The following RBFOX1 variants were observed in gnomAD, a reference collection of about 807,000 sequenced individuals.
RBFOX1 encodes RNA binding protein fox-1 homolog 1.
Under a neutral mutation model 57.7 loss-of-function variants are expected in RBFOX1, and 8 were observed. The observed-to-expected ratio is 0.14, with a 90% CI of 0.08 to 0.25. RBFOX1 has a LOEUF of 0.25. Ranked by LOEUF, RBFOX1 falls within the 10% of genes least tolerant of loss-of-function variation. RBFOX1 has a pLI of 1.00. For missense variants in RBFOX1, 611 were observed against 548.5 expected, an observed-to-expected ratio of 1.11 and a Z score of -1.14; for synonymous variants, 326 against 222.4, an observed-to-expected ratio of 1.47 and a Z score of -4.15.
At chr16:5,854,700 G>A (rs2056981218) in intron 3 of RBFOX1, among the ~76,000 whole-genome samples, 1 of 152,084 alleles carries the variant, frequency 6.6e-6, no homozygotes. Context: ...CGAACATGGG[G>A]GTGCACATAT....
chr16:6,847,073 A>G (rs970078760), intron 3 of RBFOX1, among the ~76,000 whole-genome samples: 1 of 152,182 alleles, frequency 6.6e-6, no homozygotes, highest in African/African-American at 2.4e-5. Flanking sequence ...AAAGTGAAGC[A>G]TCTTTCCTTC....
chr16:5,736,517 G>A (rs2052578938), intron 3 of RBFOX1, among the ~76,000 whole-genome samples: 1 of 152,078 alleles, frequency 6.6e-6, no homozygotes, highest in Admixed American at 6.5e-5. Context: ...AGGAGGGCTC[G>A]CCACCCTGTT....
chr16:7,672,036 C>T (rs943732445), intron 13 of RBFOX1, among the ~76,000 whole-genome samples: 2 of 152,142 alleles, frequency 1.3e-5, no homozygotes, highest in African/African-American at 2.4e-5. Context: ...CCAGAGTGAA[C>T]CGGAATGGGG....
chr16:7,700,038 T>C (rs931248802), intron 14 of RBFOX1, among the ~76,000 whole-genome samples: 2 of 151,928 alleles, frequency 1.3e-5, no homozygotes, highest in African/African-American at 2.4e-5. Context: ...TTCCTTGGGG[T>C]TCAGGGCCCA....
chr16:6,461,780 CTA>C (rs1169166264), intron 2 of RBFOX1, among the ~76,000 whole-genome samples: 2 of 151,948 alleles, frequency 1.3e-5, no homozygotes, highest in Non-Finnish European at 2.9e-5. Flanking sequence ...TCTGTTTAAG[CTA>C]TCTTTGTGCT....
intron 3 of RBFOX1, among the ~76,000 whole-genome samples, chr16:6,979,141 G>A (rs895271874): frequency 6.6e-6 from 1 of 152,182 alleles, no homozygotes; most frequent in African/African-American, 2.4e-5. Context: ...AATCAGACCT[G>A]AATTCAAATC....
chr16:6,898,775 A>G (rs1450318425), intron 3 of RBFOX1, among the ~76,000 whole-genome samples: 1 of 151,778 alleles, frequency 6.6e-6, no homozygotes, highest in Admixed American at 6.6e-5. Flanking sequence ...ATGCACATGC[A>G]TCTGTGTGTA....
intron 3 of RBFOX1, among the ~76,000 whole-genome samples, chr16:6,813,124 T>C (rs1201505596): frequency 6.6e-6 from 1 of 151,490 alleles, no homozygotes; most frequent in Non-Finnish European, 1.5e-5. Context: ...AAGTGCAACC[T>C]AAGTTTTCAG....
At chr16:5,258,205 T>C (rs1277941885) in intron 1 of RBFOX1, among the ~76,000 whole-genome samples, 1 of 152,120 alleles carries the variant, frequency 6.6e-6, no homozygotes, top group Admixed American at 6.5e-5. Context: ...ATTATTATTA[T>C]GAAAAATTTT....
At chr16:7,125,777 G>T (rs2169851) in intron 4 of RBFOX1, among the ~76,000 whole-genome samples, 1 of 151,742 alleles carries the variant, frequency 6.6e-6, no homozygotes, top group African/African-American at 2.4e-5. Flanking sequence ...GACTGCAAAC[G>T]ATTAAGGTTT....
intron 1 of RBFOX1, among the ~76,000 whole-genome samples, chr16:5,362,512 G>T (rs76679416): frequency 0.015 from 2,324 of 152,292 alleles, 70 homozygotes; most frequent in African/African-American, 0.053. Flanking sequence ...ACAGGCATGC[G>T]CCAACACGCT....
At chr16:5,814,746 G>A (rs2151788726) in intron 3 of RBFOX1, among the ~76,000 whole-genome samples, 1 of 152,196 alleles carries the variant, frequency 6.6e-6, no homozygotes, top group Non-Finnish European at 1.5e-5. Context: ...GGCTAACAAG[G>A]TGAAACCCCG....
At chr16:5,438,804 C>T (rs1436678960) in intron 1 of RBFOX1, among the ~76,000 whole-genome samples, 1 of 152,064 alleles carries the variant, frequency 6.6e-6, no homozygotes, top group African/African-American at 2.4e-5. Context: ...GGGGGTGTCA[C>T]GTGCTCAGCC....
Position 6,915,554 on chromosome 16 carries a change from T to C in RBFOX1, c.-15-136503T>C, listed in dbSNP as rs942121896. ...AGTCCTCACCCCCACACCCCCCTTT[T>C]TTTTTTTTTTTTTTGACACAGTGTC... is the stretch of plus-strand genomic sequence containing the variant. On this transcript the variant is annotated intron_variant, in intron 3 of 15. Transcript: ENST00000550418. Among the ~76,000 whole-genome samples, 720 of 140,894 alleles carry C rather than the reference T, an allele frequency of 5.1e-3. 7 individuals are homozygous for C. The highest frequency in any genetic ancestry group is 0.016 in the African/African-American group (565 of 35,490). The allele number at this position is 140,894 out of a possible 152,430, so 92.4% of individuals were successfully genotyped here.
intron 1 of RBFOX1, among the ~76,000 whole-genome samples, chr16:5,360,288 C>G (rs912494248): frequency 1.3e-5 from 2 of 152,230 alleles, no homozygotes; most frequent in Non-Finnish European, 2.9e-5. Context: ...GATAGGCATC[C>G]TCCTGAGATC....
At chr16:5,275,653 C>G (rs2063122383) in intron 1 of RBFOX1, among the ~76,000 whole-genome samples, 1 of 152,108 alleles carries the variant, frequency 6.6e-6, no homozygotes, top group African/African-American at 2.4e-5. Context: ...ATCAAAATAC[C>G]ATCATCATTC....
At chr16:6,719,032 A>T (rs1046296372) in intron 3 of RBFOX1, among the ~76,000 whole-genome samples, 1 of 151,740 alleles carries the variant, frequency 6.6e-6, no homozygotes, top group Non-Finnish European at 1.5e-5. Context: ...TGCCTGGCTA[A>T]ATTTTTATAT....
At chr16:5,972,324 A>C (rs930595586) in intron 4 of RBFOX1, among the ~76,000 whole-genome samples, 11 of 152,228 alleles carry the variant, frequency 7.2e-5, no homozygotes, top group African/African-American at 2.7e-4. Flanking sequence ...ACATGGAAAA[A>C]GAATTCCGGA....
intron 3 of RBFOX1, among the ~76,000 whole-genome samples, chr16:6,671,979 C>G (rs373405410): frequency 1.3e-5 from 2 of 152,162 alleles, no homozygotes; most frequent in Admixed American, 6.5e-5. Context: ...TATCGAACAG[C>G]TGATTTTAAA....
Sources: gnomAD v4.1 joint callset for allele counts (sites outside exome capture counted in the v4.1 genomes callset) on GRCh38, gnomAD v4.1.1 for gene constraint, MANE v1.5 for transcripts, NCBI Gene and HGNC (gene_info 2026-07-23, HGNC 2026-07-21) for gene names.